The following RARB variants were observed in gnomAD, a reference collection of about 807,000 sequenced individuals.
RARB encodes retinoic acid receptor beta.
A neutral mutation model predicts 51.9 loss-of-function variants in RARB; 17 were observed. The ratio of observed to expected loss-of-function variants is 0.33; its 90% CI spans 0.22 to 0.49. The LOEUF (loss-of-function observed/expected upper bound fraction) is 0.49. Among genes scored for constraint, RARB ranks in the 20% least tolerant of loss-of-function variants. RARB has a pLI of 0.99. For synonymous variants in RARB, 215 were observed against 195.4 expected, an observed-to-expected ratio of 1.10 and a Z score of -0.84; for missense variants, 369 against 550.8, an observed-to-expected ratio of 0.67 and a Z score of 3.30.
chr3:25,146,317 G>C (rs1700188530), intron 4 of RARB, among the ~76,000 whole-genome samples: 1 of 151,962 alleles, frequency 6.6e-6, no homozygotes, highest in Admixed American at 6.6e-5. Flanking sequence ...TAAATATTTG[G>C]GGCTATGGGG....
chr3:25,027,698 T>C (rs200316925), intron 2 of RARB, among the ~76,000 whole-genome samples: 82 of 143,378 alleles, frequency 5.7e-4, no homozygotes, highest in East Asian at 4.2e-4. Flanking sequence ...GCTTTTTTTT[T>C]CCCCTTATGA....
intron 2 of RARB, among the ~76,000 whole-genome samples, chr3:24,926,210 A>G (rs34793988): frequency 1.3e-5 from 2 of 152,140 alleles, no homozygotes; most frequent in East Asian, 3.9e-4. Context: ...GCAGTAAGAC[A>G]CTTAATTTAC....
chr3:24,918,785 G>A lies in RARB; in HGVS notation c.-380+60033G>A, dbSNP rs1695158805. On this transcript the variant is annotated intron_variant, in intron 2 of 11. Transcript: ENST00000383772. Reference sequence around the variant, plus strand: ...GGGTGCCTGTAATCCCAGCTACCCAGGAGGCTGAGGCAGGAGAATTGCTTG... The same window carrying A: ...GGGTGCCTGTAATCCCAGCTACCCAAGAGGCTGAGGCAGGAGAATTGCTTG... Among the ~76,000 whole-genome samples, 7 of 152,320 alleles carry A rather than the reference G, an allele frequency of 4.6e-5. No homozygotes were observed. The South Asian group carries it at 1.5e-3, about 32-fold the overall frequency.
intron 1 of RARB, among the ~76,000 whole-genome samples, chr3:25,438,007 T>C (rs936999043): frequency 1.3e-5 from 2 of 152,266 alleles, no homozygotes; most frequent in Non-Finnish European, 2.9e-5. Context: ...GTGGATGGGC[T>C]GGGCTCCGCT....
intron 4 of RARB, among the ~76,000 whole-genome samples, chr3:25,171,645 A>T (rs1428564256): frequency 2.1e-5 from 3 of 145,222 alleles, no homozygotes; most frequent in African/African-American, 5.0e-5. Context: ...CTGGTTGGTA[A>T]AAAAAAAAAA....
At chr3:24,942,278 G>A (rs1428436867) in intron 2 of RARB, among the ~76,000 whole-genome samples, 1 of 152,180 alleles carries the variant, frequency 6.6e-6, no homozygotes, top group Non-Finnish European at 1.5e-5. Context: ...CTCTGTAGCT[G>A]TGCTCATAAT....
chr3:25,083,282 T>C (rs550444208), intron 3 of RARB, among the ~76,000 whole-genome samples: 3 of 152,302 alleles, frequency 2.0e-5, no homozygotes, highest in African/African-American at 4.8e-5. Flanking sequence ...GGGATCCTAA[T>C]TGCATGTATG....
At chr3:25,418,978 A>T (rs998734411) in intron 5 of RARB, among the ~76,000 whole-genome samples, 2 of 151,380 alleles carry the variant, frequency 1.3e-5, no homozygotes, top group Non-Finnish European at 2.9e-5. Context: ...AATTGATTTA[A>T]TGTAAGTTTT....
chr3:25,027,040 T>C (rs76974685), intron 2 of RARB, among the ~76,000 whole-genome samples: 6,997 of 148,934 alleles, frequency 0.047, 405 homozygotes, highest in African/African-American at 0.14. Context: ...TCTTGAAAAT[T>C]TAACAATGGG....
At chr3:25,214,302 G>A (rs1302766854) in intron 5 of RARB, among the ~76,000 whole-genome samples, 2 of 152,106 alleles carry the variant, frequency 1.3e-5, no homozygotes, top group Non-Finnish European at 2.9e-5. Context: ...ATTAACTTGA[G>A]CAAATGAGCT....
At chr3:25,480,128 G>A (rs1305948713) in intron 2 of RARB, among the ~76,000 whole-genome samples, 1 of 152,168 alleles carries the variant, frequency 6.6e-6, no homozygotes, top group African/African-American at 2.4e-5. Context: ...ATTGGATTGG[G>A]AATCACATAG....
At chr3:25,064,752 A>G (rs1055463675) in intron 3 of RARB, among the ~76,000 whole-genome samples, 7 of 152,276 alleles carry the variant, frequency 4.6e-5, no homozygotes, top group Admixed American at 1.3e-4. Flanking sequence ...TCTCTGTTCC[A>G]CTAGACTCAG....
chr3:25,258,164 G>A (rs943674172), intron 5 of RARB, among the ~76,000 whole-genome samples: 1 of 152,116 alleles, frequency 6.6e-6, no homozygotes, highest in Non-Finnish European at 1.5e-5. Context: ...ATTGAACTTA[G>A]GACTGAGGAA....
chr3:24,956,851 C>T (rs1295964277), intron 2 of RARB, among the ~76,000 whole-genome samples: 2 of 152,124 alleles, frequency 1.3e-5, no homozygotes, highest in Non-Finnish European at 2.9e-5. Flanking sequence ...TTGGAAAGTT[C>T]CTTGGGTTCT....
At chr3:25,415,446 A>G (rs944098461) in intron 5 of RARB, among the ~76,000 whole-genome samples, 8 of 151,880 alleles carry the variant, frequency 5.3e-5, no homozygotes, top group South Asian at 4.1e-4. Flanking sequence ...TTATTCCAGC[A>G]CCATTTTTTG....
intron 5 of RARB, among the ~76,000 whole-genome samples, chr3:25,332,157 C>T (rs1299453411): frequency 6.6e-6 from 1 of 152,126 alleles, no homozygotes; most frequent in African/African-American, 2.4e-5. Flanking sequence ...AAGAGGGAAT[C>T]CTCCCTAACT....
At chr3:25,284,875 C>T (rs371981947) in intron 5 of RARB, among the ~76,000 whole-genome samples, 19 of 152,206 alleles carry the variant, frequency 1.2e-4, no homozygotes, top group African/African-American at 4.6e-4. Context: ...ACAGGGCTCG[C>T]TGCAGACTTG....
At chr3:25,281,670 G>A (rs928427317) in intron 5 of RARB, among the ~76,000 whole-genome samples, 10 of 152,258 alleles carry the variant, frequency 6.6e-5, no homozygotes, top group Non-Finnish European at 1.2e-4. Context: ...GGTTGCCAGG[G>A]TTTCTAGTAG....
chr3:25,094,443 G>A (rs143146836), intron 3 of RARB, among the ~76,000 whole-genome samples: 5 of 152,240 alleles, frequency 3.3e-5, no homozygotes, highest in Admixed American at 1.3e-4. Context: ...TTGACCAGGA[G>A]CAGTAGCTCA....
Sources: gnomAD v4.1 joint callset for allele counts (sites outside exome capture counted in the v4.1 genomes callset) on GRCh38, gnomAD v4.1.1 for gene constraint, MANE v1.5 for transcripts, NCBI Gene and HGNC (gene_info 2026-07-23, HGNC 2026-07-21) for gene names.